Variants in FMNL2 observed in about 807,000 individuals in gnomAD.
The protein encoded by FMNL2 is formin-like protein 2.
FMNL2 carries 51 observed loss-of-function variants against 130.2 expected under a neutral mutation model. The observed-to-expected ratio is 0.39, with a 90% confidence interval of 0.31 to 0.49. The LOEUF (loss-of-function observed/expected upper bound fraction) is 0.49, where lower values mean the gene tolerates loss of function less well. Ranked by LOEUF, FMNL2 falls within the 20% of genes least tolerant of loss-of-function variation. The pLI is 0.85. For synonymous variants in FMNL2, 465 were observed against 467.1 expected (o/e 1.00, Z 0.06); for missense variants, 977 against 1,316.2 (o/e 0.74, Z 3.99).
At chr2:152,427,829 T>G (rs1446196278) in intron 1 of FMNL2, among the ~76,000 whole-genome samples, 1 of 152,152 alleles carries the variant, frequency 6.6e-6, no homozygotes, top group East Asian at 1.9e-4. Flanking sequence ...ATTAGATATA[T>G]GGATTGTATT....
rs1686700801 is a variant in FMNL2 at position 152,417,874 on chromosome 2, C to T, written c.117+82154C>T. 2.0e-5 allele frequency among the ~76,000 whole-genome samples: 3 copies of T among 152,178 alleles called. No individual in the cohort carries two copies. The South Asian group carries it at 6.2e-4, about 32-fold the overall frequency. On this transcript the variant is annotated intron_variant, in intron 1 of 25. Transcript: ENST00000288670. The stretch of plus-strand genomic sequence containing the variant: ...TTGAGACAGAGTCTTGCTCTGTTTG[C>T]CCAGGCTGGAGTGCAGTGTCATGAT...
intron 11 of FMNL2, among the ~76,000 whole-genome samples, chr2:152,613,799 G>C (rs922640977): frequency 6.6e-6 from 1 of 152,180 alleles, no homozygotes; most frequent in Admixed American, 6.5e-5. Flanking sequence ...CATGCACCAG[G>C]TATTATTCTA....
intron 1 of FMNL2, among the ~76,000 whole-genome samples, chr2:152,367,995 C>G (rs1024464924): frequency 6.6e-5 from 10 of 152,096 alleles, no homozygotes; most frequent in Admixed American, 5.2e-4. Context: ...CTGAGCCAGT[C>G]TACGTATTAA....
chr2:152,648,070 C>A lies in FMNL2; in HGVS notation c.*165C>A, dbSNP rs1188120861. ...TTTTAAAATGAGCTCTCCTTTCAACCCTTGTTAACAAGTGCCTAAAAATGG... is the reference window on the plus strand; with the variant it reads ...TTTTAAAATGAGCTCTCCTTTCAACACTTGTTAACAAGTGCCTAAAAATGG... On this transcript the variant is annotated 3_prime_UTR_variant, in exon 26 of 26. Coordinates refer to ENST00000288670, the MANE Select transcript of FMNL2 (RefSeq NM_052905.4). 1 of 605,976 alleles carries A rather than the reference C, an allele frequency of 1.7e-6. No homozygotes were observed. The highest frequency in any genetic ancestry group is 2.2e-5 in the South Asian group (1 of 46,168). 37.5% of individuals were successfully genotyped at this position (605,976 alleles called of 1,614,324 possible).
chr2:152,396,565 A>T (rs552883203), intron 1 of FMNL2, among the ~76,000 whole-genome samples: 1 of 152,232 alleles, frequency 6.6e-6, no homozygotes, highest in Non-Finnish European at 1.5e-5. Flanking sequence ...CCTGGCTTAG[A>T]TGAGTCCTGC....
At chr2:152,457,954 AG>A (rs1689046132) in intron 1 of FMNL2, among the ~76,000 whole-genome samples, 1 of 152,218 alleles carries the variant, frequency 6.6e-6, no homozygotes, top group Admixed American at 6.5e-5. Flanking sequence ...CAACCTCAGA[AG>A]GTTCTCCATC....
chr2:152,441,959 A>G (rs932469236), intron 1 of FMNL2, among the ~76,000 whole-genome samples: 28 of 152,072 alleles, frequency 1.8e-4, no homozygotes, highest in Non-Finnish European at 2.9e-4. Flanking sequence ...GGGAGTTCCT[A>G]CCAGTGTGTG....
intron 1 of FMNL2, among the ~76,000 whole-genome samples, chr2:152,370,904 G>A (rs1277048157): frequency 1.3e-5 from 2 of 152,224 alleles, no homozygotes; most frequent in Admixed American, 6.5e-5. Context: ...CTCTCACGAG[G>A]TCGCAATCAT....
At chr2:152,523,465 C>T (rs1395433247) in intron 2 of FMNL2, among the ~76,000 whole-genome samples, 1 of 152,120 alleles carries the variant, frequency 6.6e-6, no homozygotes, top group Non-Finnish European at 1.5e-5. Context: ...ACACTGATAT[C>T]CTCACTGAAA....
chr2:152,572,406 C>G (rs1319596602), intron 6 of FMNL2, among the ~76,000 whole-genome samples: 1 of 152,074 alleles, frequency 6.6e-6, no homozygotes, highest in African/African-American at 2.4e-5. Context: ...GATTGCTTAC[C>G]TTGTCTAGGT....
intron 1 of FMNL2, among the ~76,000 whole-genome samples, chr2:152,383,087 G>C (rs1684572208): frequency 6.6e-6 from 1 of 152,108 alleles, no homozygotes; most frequent in African/African-American, 2.4e-5. Context: ...TAAGTTACTG[G>C]CTTAAAAAAA....
intron 1 of FMNL2, among the ~76,000 whole-genome samples, chr2:152,434,617 C>T (rs1322160468): frequency 1.3e-5 from 2 of 151,906 alleles, no homozygotes; most frequent in Non-Finnish European, 2.9e-5. Flanking sequence ...CAGGGTCTTC[C>T]CCCCATGCAG....
chr2:152,390,255 C>A, intron 1 of FMNL2: 1 of 1,451,502 alleles, frequency 6.9e-7, no homozygotes, highest in Non-Finnish European at 9.6e-7. Flanking sequence ...CCAGGGGCAG[C>A]ACCTCCGGGT....
Position 152,640,031 on chromosome 2 carries a change from C to T in FMNL2, c.3020C>T (p.Ala1007Val), listed in dbSNP as rs1461902435. 6 of 1,554,918 alleles carry T rather than the reference C, an allele frequency of 3.9e-6. No homozygotes were observed. The Admixed American group carries it at 9.8e-5, about 25-fold the overall frequency. Reference sequence around the variant, plus strand: ...ATGGAAAAACTCCTAGAGCAAGAAGCTCTGATGGAGCAGCAGGATCCAAAG... The same window carrying T: ...ATGGAAAAACTCCTAGAGCAAGAAGTTCTGATGGAGCAGCAGGATCCAAAG... ...ALMEKLLEQEALMEQQDPKSP... is the reference protein window; with the variant it reads ...ALMEKLLEQEVLMEQQDPKSP... Residue 1007 changes from alanine (A) to valine (V), a missense_variant, in exon 24 of 26, where the codon GCT becomes GTT. Physicochemically the swap from Ala to Val is moderately conservative, Grantham distance 64. Around this residue, in one of 4 missense-constraint regions of FMNL2, gnomAD observed 168 missense variants for 168.8 expected, o/e 1.00. Transcript: ENST00000288670.
chr2:152,368,886 T>C (rs1401335826), intron 1 of FMNL2, among the ~76,000 whole-genome samples: 4 of 148,986 alleles, frequency 2.7e-5, no homozygotes, highest in Non-Finnish European at 5.9e-5. Context: ...CTTTTGCTTA[T>C]AGGAATAGTT....
intron 1 of FMNL2, among the ~76,000 whole-genome samples, chr2:152,427,046 A>G (rs1019236468): frequency 2.0e-5 from 3 of 152,044 alleles, no homozygotes; most frequent in South Asian, 2.1e-4. Context: ...TCCTCTTCCA[A>G]CTCCTCGTAG....
At chr2:152,580,107 CTG>C (rs1696699783) in intron 8 of FMNL2, among the ~76,000 whole-genome samples, 1 of 152,210 alleles carries the variant, frequency 6.6e-6, no homozygotes, top group African/African-American at 2.4e-5. Context: ...AGCCATGCTT[CTG>C]TGTCTCTGCC....
chr2:152,399,979 C>T (rs776991184), intron 1 of FMNL2, among the ~76,000 whole-genome samples: 6 of 152,052 alleles, frequency 3.9e-5, no homozygotes, highest in African/African-American at 7.2e-5. Flanking sequence ...GTGACATTTA[C>T]TGAAACAGGA....
chr2:152,574,479 T>TA (rs1157341566), intron 6 of FMNL2, among the ~76,000 whole-genome samples: 1 of 149,606 alleles, frequency 6.7e-6, no homozygotes, highest in African/African-American at 2.5e-5. Flanking sequence ...GTGTAAGGTT[T>TA]GTCTACTTGC....
Sources: gnomAD v4.1 joint callset for allele counts (sites outside exome capture counted in the v4.1 genomes callset) on GRCh38, gnomAD v4.1.1 for gene constraint, gnomAD v4.1.1 regional missense constraint, MANE v1.5 for transcripts, NCBI Gene and HGNC (gene_info 2026-07-23, HGNC 2026-07-21) for gene names.